TRPM1: variants seen among roughly 807,000 people sequenced by gnomAD.
TRPM1 encodes TRPM1-203 APA Isoform, Intron 10.
TRPM1 carries 113 observed loss-of-function variants against 149.4 expected under a neutral mutation model. The ratio of observed to expected loss-of-function variants is 0.76; its 90% CI spans 0.65 to 0.88. The LOEUF (loss-of-function observed/expected upper bound fraction) is 0.88, where lower values mean the gene tolerates loss of function less well. Among genes scored for constraint, TRPM1 ranks in the 40% least tolerant of loss-of-function variants. The pLI is 0.00. For missense variants in TRPM1, 1,976 were observed against 2,038.7 expected (o/e 0.97, Z 0.59); for synonymous variants, 741 against 759.5 (o/e 0.98, Z 0.40).
intron 5 of TRPM1, among the ~76,000 whole-genome samples, chr15:31,067,498 A>C (rs1238357276): frequency 1.3e-5 from 2 of 152,192 alleles, no homozygotes; most frequent in East Asian, 1.9e-4. Context: ...GGCTGCCTTC[A>C]GTGAAAATTG....
chr15:31,065,418 C>T (rs950704375), intron 7 of TRPM1, among the ~76,000 whole-genome samples: 3 of 152,150 alleles, frequency 2.0e-5, no homozygotes, highest in Non-Finnish European at 2.9e-5. Context: ...AATTGTTTGA[C>T]GTTAAGAATT....
Position 31,002,271 on chromosome 15 carries a change from C to T in TRPM1, c.4429G>A (p.Asp1477Asn). Residue 1477 changes from aspartate (D) to asparagine (N), a missense_variant, in exon 28 of 28, where the codon GAT becomes AAT. Asp to Asn is a conservative substitution (Grantham distance 23). Transcript: ENST00000256552. ...GRKLVGGVNQ[D>N]VEYSSITDQQ... ...TCCGTGATTGAACTGTACTCTACAT[C>T]CTGGTTAACCCCACCGACCAGCTTT... is the stretch of plus-strand genomic sequence containing the variant. 6.2e-7 allele frequency: 1 copy of T among 1,614,214 alleles called. No individual in the cohort carries two copies. Among genetic ancestry groups the T allele is most frequent in the Middle Eastern group, 1.6e-4 (1 of 6,062 alleles).
At chr15:31,035,064 G>A (rs531292921) in intron 21 of TRPM1, among the ~76,000 whole-genome samples, 54 of 152,300 alleles carry the variant, frequency 3.5e-4, no homozygotes, top group African/African-American at 1.3e-3. Context: ...GAGTGCAGTG[G>A]CGCGATCTCG....
At chr15:31,081,261 G>A (rs927063756) in intron 2 of TRPM1, 92 bp downstream of exon 2, 1 of 631,110 alleles carries the variant, frequency 1.6e-6, no homozygotes, top group Non-Finnish European at 2.6e-6. Flanking sequence ...CTGGAAATCC[G>A]TCTTTTCCTA....
At chr15:31,047,337 C>T in intron 14 of TRPM1, 86 bp from the exon 15 acceptor site, 1 of 1,495,836 alleles carries the variant, frequency 6.7e-7, no homozygotes, top group Non-Finnish European at 9.3e-7. Context: ...AGTGGCTGTC[C>T]TGGCCCCCAC....
At chr15:31,028,668 C>T (rs1025095860) in intron 24 of TRPM1, among the ~76,000 whole-genome samples, 192 bp from the exon 25 acceptor site, 1 of 151,650 alleles carries the variant, frequency 6.6e-6, no homozygotes, top group Non-Finnish European at 1.5e-5. Flanking sequence ...AGGAGAATGG[C>T]GTGAACCCGG....
At chr15:31,145,318 G>A (rs893132323) in intron 1 of TRPM1, among the ~76,000 whole-genome samples, 5 of 151,230 alleles carry the variant, frequency 3.3e-5, no homozygotes, top group African/African-American at 1.2e-4. Flanking sequence ...CAAGATGGCA[G>A]AAGAAGACTC....
chr15:31,026,087 C>G, intron 27 of TRPM1, 52 bp downstream of exon 27: 5 of 1,605,448 alleles, frequency 3.1e-6, no homozygotes, highest in African/African-American at 1.3e-5. Flanking sequence ...GTGGGGCGCC[C>G]GAGTCAGCAA....
chr15:31,017,026 C>T (rs1308260764), intron 27 of TRPM1, among the ~76,000 whole-genome samples: 3 of 151,816 alleles, frequency 2.0e-5, no homozygotes, highest in Non-Finnish European at 4.4e-5. Context: ...GAAAGTCGGC[C>T]GGTTGTGGTG....
intron 1 of TRPM1, among the ~76,000 whole-genome samples, chr15:31,089,129 G>A (rs915851532): frequency 2.0e-5 from 3 of 152,184 alleles, no homozygotes; most frequent in Non-Finnish European, 4.4e-5. Context: ...AATACAGTGT[G>A]GAAACTGAAG....
chr15:31,024,583 ATG>A (rs567091300), intron 27 of TRPM1, among the ~76,000 whole-genome samples: 40 of 152,272 alleles, frequency 2.6e-4, no homozygotes, highest in Admixed American at 1.6e-3. Context: ...CCAGAGAAAA[ATG>A]CAATTTGGTA....
chr15:31,005,446 T>C (rs2141104308), intron 27 of TRPM1, among the ~76,000 whole-genome samples: 1 of 151,878 alleles, frequency 6.6e-6, no homozygotes, highest in East Asian at 1.9e-4. Context: ...ACTAACTCCC[T>C]CCCCTCACTT....
intron 9 of TRPM1, among the ~76,000 whole-genome samples, chr15:31,061,746 G>A (rs922328278): frequency 4.6e-5 from 7 of 151,220 alleles, no homozygotes; most frequent in South Asian, 2.1e-4. Flanking sequence ...GTGCAATGGC[G>A]CTATCTTGGG....
At position 31,150,751 on chromosome 15, in the gene TRPM1, A is replaced by C. The variant is rs181400573; in HGVS notation, c.54+10155T>G. Among the ~76,000 whole-genome samples the C allele has an allele frequency of 9.8e-5, 15 of 152,302 alleles. 1 individual carries two copies. Among genetic ancestry groups the C allele is most frequent in the Middle Eastern group, 6.8e-3 (2 of 294 alleles). On this transcript the variant is annotated intron_variant, in intron 1 of 26. Transcript: ENST00000542188. ...ACTTGGCGGTTGAATACTTTCGAAC[A>C]AAAGAACAGCCAGCAGGCACAGATA...
chr15:31,005,806 T>C (rs1431939191), intron 27 of TRPM1, among the ~76,000 whole-genome samples: 1 of 152,238 alleles, frequency 6.6e-6, no homozygotes. Context: ...TTAACCATGG[T>C]TGGTGACTTC....
intron 1 of TRPM1, among the ~76,000 whole-genome samples, chr15:31,155,616 C>T (rs2036361548): frequency 6.6e-6 from 1 of 152,094 alleles, no homozygotes; most frequent in South Asian, 2.1e-4. Context: ...TGAAGACCCA[C>T]AATTCTGTTT....
intron 16 of TRPM1, among the ~76,000 whole-genome samples, chr15:31,043,668 G>A (rs1040502708): frequency 5.9e-5 from 9 of 152,222 alleles, no homozygotes; most frequent in East Asian, 3.9e-4. Flanking sequence ...AATGAACATC[G>A]TAGAAATGTT....
chr15:31,133,921 A>C (rs746551121), intron 1 of TRPM1, among the ~76,000 whole-genome samples: 15 of 152,106 alleles, frequency 9.9e-5, no homozygotes, highest in Non-Finnish European at 1.9e-4. Context: ...GGGCAGTGAT[A>C]AGGGCTGGGA....
In TRPM1 at chr15:31,148,037, GGCTGCGAAGAGAGAGGTCA is replaced by G. The variant is rs1332817916; in HGVS notation, c.54+12850_54+12868del. ...AAACAAAACAAAAAATGTCAGCAGA[GGCTGCGAAGAGAGAGGTCA>G]AGGAGGGACAACAGGGAGGCACAGA... is the stretch of plus-strand genomic sequence containing the variant. On this transcript the variant is annotated intron_variant, in intron 1 of 26. Coordinates refer to the TRPM1 transcript ENST00000542188. Among the ~76,000 whole-genome samples the G allele has an allele frequency of 3.9e-5, 6 of 152,200 alleles. 1 individual carries two copies. The highest frequency in any genetic ancestry group is 1.4e-4 in the African/African-American group (6 of 41,428).
Sources: allele counts gnomAD v4.1 joint callset (sites outside exome capture counted in the v4.1 genomes callset), GRCh38; gene constraint gnomAD v4.1.1; transcripts MANE v1.5; gene names NCBI Gene and HGNC (gene_info 2026-07-23, HGNC 2026-07-21).